CENATAC: variants seen among roughly 807,000 people sequenced by gnomAD.
The protein encoded by CENATAC is centrosomal AT-AC splicing factor.
Under a neutral mutation model 53.7 loss-of-function variants are expected in CENATAC, and 53 were observed. The observed-to-expected ratio is 0.99, with a 90% CI of 0.79 to 1.24. CENATAC has a LOEUF of 1.24. Among genes scored for constraint, CENATAC ranks in the 50% most tolerant of loss-of-function variants. The probability of loss-of-function intolerance (pLI) is 0.00; values close to 1 mark genes in which losing one functional copy is unlikely to be tolerated. For synonymous variants in CENATAC, 156 were observed against 144.6 expected, an observed-to-expected ratio of 1.08 and a Z score of -0.57; for missense variants, 474 against 417.8, an observed-to-expected ratio of 1.13 and a Z score of -1.17.
rs201185129 is a variant in CENATAC, at chr11:119,015,443, T to A, written c.938+4T>A. 70 of 1,613,920 alleles carry A rather than the reference T, an allele frequency of 4.3e-5. No individual in the cohort carries two copies. The highest frequency in any genetic ancestry group is 5.9e-6 in the Non-Finnish European group (7 of 1,179,878). ...ATGGACGCCGCTGGCAGTCCAGGTA[T>A]GTGTGTTCAGTGCCGGGTCTCCAAC... is the stretch of plus-strand genomic sequence containing the variant. On this transcript the variant is annotated splice_donor_region_variant and intron_variant, in intron 10 of 10. Transcript: ENST00000334418.
chr11:118,998,735 GT>G, intron 2 of CENATAC, 142 bp downstream of exon 2: 2 of 1,192,682 alleles, frequency 1.7e-6, no homozygotes, highest in Middle Eastern at 2.3e-4. Flanking sequence ...TGCCAGCCTT[GT>G]TAGGGTAGGG....
intron 3 of CENATAC, among the ~76,000 whole-genome samples, chr11:119,007,637 G>A (rs889650229): frequency 6.6e-5 from 10 of 152,156 alleles, no homozygotes; most frequent in African/African-American, 2.4e-4. Flanking sequence ...CTATAAGTGT[G>A]CACCATCACA....
chr11:119,015,251 C>T, intron 9 of CENATAC, 56 bp from the exon 10 acceptor site: 1 of 1,529,818 alleles, frequency 6.5e-7, no homozygotes, highest in Non-Finnish European at 8.9e-7. Context: ...CATAGTGAGA[C>T]CCCATCTCTA....
rs1392080669 is a variant in CENATAC, at chr11:119,012,423, C to T, written c.684+169C>T. On this transcript the variant is annotated intron_variant, in intron 7 of 10. Coordinates refer to ENST00000334418, the MANE Select transcript of CENATAC (RefSeq NM_198489.3). Reference sequence around the variant, plus strand: ...TCAGACCTCTTCTCACCCTCCAAAGCGATCCTATTCACATGTATTGACACT... The same window carrying T: ...TCAGACCTCTTCTCACCCTCCAAAGTGATCCTATTCACATGTATTGACACT... 5 of 671,210 alleles carry T rather than the reference C, an allele frequency of 7.4e-6. No individual in the cohort carries two copies. The East Asian group carries it at 1.2e-4, about 16-fold the overall frequency. The allele number at this position is 671,210 out of a possible 1,614,324, so 41.6% of individuals were successfully genotyped here. A position where few individuals can be genotyped will look rare whatever the true frequency, so the allele number is the denominator to read the frequency against.
At chr11:119,000,383 A>G (rs1195577757) in intron 3 of CENATAC, among the ~76,000 whole-genome samples, 1 of 151,620 alleles carries the variant, frequency 6.6e-6, no homozygotes, top group Non-Finnish European at 1.5e-5. Context: ...TGTGCAAAGC[A>G]TGCAGGGTTT....
intron 3 of CENATAC, chr11:119,001,494 C>A (rs539986412): frequency 7.4e-6 from 3 of 403,214 alleles, no homozygotes; most frequent in Non-Finnish European, 1.5e-5. Context: ...CGGGTTCAAG[C>A]GATTCTCCCG....
At position 118,998,185 on chromosome 11, in the gene CENATAC, G is replaced by C; in HGVS notation, c.-13G>C. ...ATCGGCCGCTGGTGGTGGTGATACC[G>C]GGTACCCGGGCTATGGCGCCGGCGC... On this transcript the variant is annotated 5_prime_UTR_variant, in exon 1 of 11. Coordinates refer to ENST00000334418, the MANE Select transcript of CENATAC (RefSeq NM_198489.3). 6.4e-7 allele frequency: 1 copy of C among 1,574,566 alleles called. No individual in the cohort carries two copies. Among genetic ancestry groups the C allele is most frequent in the Non-Finnish European group, 8.6e-7 (1 of 1,162,600 alleles).
At chr11:119,002,881 G>A in intron 3 of CENATAC, 1 of 317,358 alleles carries the variant, frequency 3.2e-6, no homozygotes, top group Non-Finnish European at 6.1e-6. Flanking sequence ...CGCCTCACAG[G>A]TTCAAGCAAT....
intron 8 of CENATAC, among the ~76,000 whole-genome samples, chr11:119,013,522 G>A: frequency 6.7e-6 from 1 of 149,260 alleles, no homozygotes; most frequent in Non-Finnish European, 1.5e-5. Flanking sequence ...GGAGTGCAGT[G>A]GCGGGATCTC....
Position 119,008,850 on chromosome 11 carries a change from A to C in CENATAC, c.384-1914A>C, listed in dbSNP as rs376693978. On this transcript the variant is annotated intron_variant, in intron 3 of 10. Coordinates refer to ENST00000334418, the MANE Select transcript of CENATAC (RefSeq NM_198489.3). ...GGTTTATTGAGACTAGAGAATGGCA[A>C]TGACCTTTACCAGATGTACTGCTTG... Among the ~76,000 whole-genome samples, 85 of 152,114 alleles carry C rather than the reference A, an allele frequency of 5.6e-4. 1 individual carries two copies. In the South Asian group the frequency reaches 0.016, roughly 28 times the overall value.
At chr11:119,012,384 C>T in intron 7 of CENATAC, 130 bp downstream of exon 7, 1 of 982,198 alleles carries the variant, frequency 1.0e-6, no homozygotes. Flanking sequence ...CTTCACTGTT[C>T]CCTAGTAGTG....
chr11:119,004,239 A>G (rs924859082), intron 3 of CENATAC, among the ~76,000 whole-genome samples: 2 of 151,968 alleles, frequency 1.3e-5, no homozygotes, highest in Non-Finnish European at 2.9e-5. Context: ...ATGACATACC[A>G]TAATGATTTT....
chr11:118,998,739 G>C (rs938693207), intron 2 of CENATAC, 146 bp downstream of exon 2: 10 of 1,167,338 alleles, frequency 8.6e-6, no homozygotes, highest in Non-Finnish European at 1.2e-5. Context: ...AGCCTTGTTA[G>C]GGTAGGGGTC....
At chr11:119,008,224 G>T (rs571550911) in intron 3 of CENATAC, among the ~76,000 whole-genome samples, 10 of 152,334 alleles carry the variant, frequency 6.6e-5, no homozygotes, top group Admixed American at 2.6e-4. Flanking sequence ...CAGGGGACTG[G>T]TGCTCAGCAC....
chr11:119,014,595 C>T (rs78966849), intron 8 of CENATAC: 2,678 of 155,064 alleles, frequency 0.017, 74 homozygotes, highest in African/African-American at 0.061. Flanking sequence ...GGCCAGACCC[C>T]ACCTCAATGT....
chr11:119,015,110 C>G (rs570923604), intron 9 of CENATAC, 27 bp downstream of exon 9: 2 of 1,555,844 alleles, frequency 1.3e-6, no homozygotes, highest in East Asian at 2.2e-5. Context: ...AAGAGAGGAT[C>G]GTCTAAATCT....
At chr11:119,006,615 C>T (rs568063993) in intron 3 of CENATAC, among the ~76,000 whole-genome samples, 88 of 151,754 alleles carry the variant, frequency 5.8e-4, no homozygotes, top group African/African-American at 2.1e-3. Context: ...GTGATCCACC[C>T]GCCTCGGCCT....
At chr11:119,002,749 T>G (rs1942373608) in intron 3 of CENATAC, among the ~76,000 whole-genome samples, 1 of 151,328 alleles carries the variant, frequency 6.6e-6, no homozygotes, top group Non-Finnish European at 1.5e-5. Context: ...GTAAGATTTC[T>G]CCCATGCGAA....
At chr11:119,013,706 A>G (rs28667718) in intron 8 of CENATAC, among the ~76,000 whole-genome samples, 4,313 of 147,138 alleles carry the variant, frequency 0.029, 201 homozygotes, top group African/African-American at 0.1. Flanking sequence ...CTCGTGATCC[A>G]CCCGCCTCGG....
Sources: gnomAD v4.1 joint callset for allele counts (sites outside exome capture counted in the v4.1 genomes callset) on GRCh38, gnomAD v4.1.1 for gene constraint, MANE v1.5 for transcripts, NCBI Gene and HGNC (gene_info 2026-07-23, HGNC 2026-07-21) for gene names.